The following N4BP2 variants were observed in gnomAD, a reference collection of about 807,000 sequenced individuals.
N4BP2 encodes the protein NEDD4 binding protein 2.
In N4BP2, 91 loss-of-function variants were observed where a neutral mutation model predicts 152.8. The observed-to-expected ratio is 0.60, with a 90% CI of 0.50 to 0.71. N4BP2 has a LOEUF of 0.71. N4BP2 is among the 30% of genes least tolerant of loss of function. The pLI is 0.00. For missense variants in N4BP2, 1,923 were observed against 2,059.1 expected, an observed-to-expected ratio of 0.93 and a Z score of 1.28; for synonymous variants, 646 against 705.3, an observed-to-expected ratio of 0.92 and a Z score of 1.33.
rs1185270466 is a variant in N4BP2 at position 40,126,322 on chromosome 4, CAT to C, written c.4521_4522del (p.His1507GlnfsTer10). On this transcript the variant is annotated frameshift_variant, in exon 12 of 18. Transcript: ENST00000261435. LOFTEE classifies it high-confidence loss of function. Reference protein sequence around the residue: ...MSEEIALQEKHNLKRETLMFE... With the variant: ...MSEEIALQEKXNLKRETLMFE... Reference sequence around the variant, plus strand: ...AGAAGAAATTGCCTTACAGGAAAAACATAATTTGGTATGAATTAATATAAATA... The same window carrying C: ...AGAAGAAATTGCCTTACAGGAAAAACAATTTGGTATGAATTAATATAAATA... 3 of 1,491,874 alleles carry C rather than the reference CAT, an allele frequency of 2.0e-6. No homozygotes were observed. Among genetic ancestry groups the C allele is most frequent in the Non-Finnish European group, 2.7e-6 (3 of 1,095,176 alleles). The allele number at this position is 1,491,874 out of a possible 1,614,324, so 92.4% of individuals were successfully genotyped here.
chr4:40,158,201 A>G lies in N4BP2; in HGVS notation c.*3964A>G, dbSNP rs1437312540. On this transcript the variant is annotated 3_prime_UTR_variant, in exon 18 of 18. Coordinates refer to ENST00000261435, the MANE Select transcript of N4BP2 (RefSeq NM_018177.6). ...TATAAATTTGCTTTTAAATTTTCTT[A>G]TGAAGCCATTTGCAAATTACATACT... The G allele has an allele frequency of 6.6e-6, 1 of 152,208 alleles. No homozygotes were observed. Among genetic ancestry groups the G allele is most frequent in the Non-Finnish European group, 1.5e-5 (1 of 68,020 alleles). The allele number at this position is 152,208 out of a possible 1,614,324, so 9.4% of individuals were successfully genotyped here.
At position 40,120,399 on chromosome 4, in the gene N4BP2, C is replaced by T. The variant is rs375972615; in HGVS notation, c.2288C>T (p.Thr763Met). ...GEIVEERATVTKKAFGKQKSK... is the reference protein window; with the variant it reads ...GEIVEERATVMKKAFGKQKSK... The stretch of plus-strand genomic sequence containing the variant: ...ATAGTGGAAGAAAGAGCAACAGTAA[C>T]GAAAAAAGCCTTTGGGAAACAAAAA... The change falls in exon 9 of 18, where the codon ACG becomes ATG. Residue 763 changes from threonine (T) to methionine (M), a missense_variant. Transcript: ENST00000261435. The T allele has an allele frequency of 6.3e-5, 102 of 1,613,528 alleles. No homozygotes were observed. Among genetic ancestry groups the T allele is most frequent in the African/African-American group, 2.1e-4 (16 of 74,936 alleles).
At chr4:40,134,221 T>C (rs1719152389) in intron 13 of N4BP2, among the ~76,000 whole-genome samples, 1 of 152,208 alleles carries the variant, frequency 6.6e-6, no homozygotes. Flanking sequence ...TTATTTATTT[T>C]TGCTACCTAA....
At chr4:40,111,806 G>A (rs1455351060) in intron 5 of N4BP2, among the ~76,000 whole-genome samples, 1 of 151,814 alleles carries the variant, frequency 6.6e-6, no homozygotes, top group African/African-American at 2.4e-5. Flanking sequence ...AGTAGAGATG[G>A]GCTTTCACCA....
rs761849121 is a variant in N4BP2, at chr4:40,119,932, C to T, written c.1821C>T (p.Ser607=). ...GATACTCTTTAAAATAATCTTACAG[C>T]CCAAGAGACGATGAAGATATTATCT... is the stretch of plus-strand genomic sequence containing the variant. ...CAYSCEDRST[S]PRDDEDIISE... The change falls in exon 9 of 18, where the codon AGC becomes AGT. Residue 607 remains serine, a splice_region_variant and synonymous_variant. Coordinates refer to ENST00000261435, the MANE Select transcript of N4BP2 (RefSeq NM_018177.6). 6.0e-6 allele frequency: 8 copies of T among 1,334,328 alleles called. No homozygotes were observed. The highest frequency in any genetic ancestry group is 7.2e-6 in the Non-Finnish European group (7 of 965,946). The allele number at this position is 1,334,328 out of a possible 1,614,324, so 82.7% of individuals were successfully genotyped here.
intron 2 of N4BP2, among the ~76,000 whole-genome samples, chr4:40,088,714 G>A (rs1214319017): frequency 2.0e-5 from 3 of 151,992 alleles, no homozygotes; most frequent in African/African-American, 7.2e-5. Context: ...TGGTCAGGCC[G>A]GTCTCGAATT....
intron 5 of N4BP2, among the ~76,000 whole-genome samples, chr4:40,108,851 T>A (rs1423872328): frequency 1.3e-5 from 2 of 151,482 alleles, no homozygotes; most frequent in African/African-American, 4.9e-5. Context: ...AGAGTCCTGC[T>A]CTGTTGCCAG....
intron 2 of N4BP2, among the ~76,000 whole-genome samples, chr4:40,080,310 G>GTATATATATATATA (rs140955860): frequency 1.2e-4 from 17 of 147,044 alleles, no homozygotes; most frequent in African/African-American, 3.8e-4. Context: ...AGTGTGAGCT[G>GTATATATATATATA]TATATATATA....
intron 10 of N4BP2, 25 bp downstream of exon 10, chr4:40,123,237 A>G (rs1187519309): frequency 2.0e-6 from 3 of 1,491,370 alleles, no homozygotes; most frequent in Non-Finnish European, 2.8e-6. Context: ...TTTTATAAAG[A>G]GCTCCTTTTT....
chr4:40,066,405 G>A (rs794024), intron 1 of N4BP2, among the ~76,000 whole-genome samples: 127,107 of 149,494 alleles, frequency 0.85, 54,080 homozygotes, highest in East Asian at 0.97. Flanking sequence ...TGCAGCCTCT[G>A]CCTCCCAGGT....
intron 1 of N4BP2, among the ~76,000 whole-genome samples, chr4:40,060,512 T>C (rs1733571444): frequency 6.6e-6 from 1 of 152,156 alleles, no homozygotes; most frequent in Non-Finnish European, 1.5e-5. Flanking sequence ...CCCAAAGTGC[T>C]GGGATTACAG....
In N4BP2 at chr4:40,130,882, A is replaced by G. The variant is rs559890358; in HGVS notation, c.4528-919A>G. On this transcript the variant is annotated intron_variant, in intron 12 of 17. Transcript: ENST00000261435. ...ATTATTTTGTTATATCACAATGTTT[A>G]AGAATATTTATTATCATCTTAGGTT... Among the ~76,000 whole-genome samples the G allele has an allele frequency of 9.2e-5, 14 of 152,332 alleles. No individual in the cohort carries two copies. The East Asian group carries it at 2.7e-3, about 29-fold the overall frequency.
Position 40,147,628 on chromosome 4 carries a change from C to T in N4BP2, c.5143+2828C>T, listed in dbSNP as rs549971935. Among the ~76,000 whole-genome samples the T allele has an allele frequency of 3.6e-3, 523 of 146,660 alleles. 1 individual carries two copies. Among genetic ancestry groups the T allele is most frequent in the African/African-American group, 6.5e-3 (256 of 39,590 alleles). ...CTCCCGGACGGGGCGGCTGGCCGGG[C>T]GGGGGCTGACCCCCCACCTCCCTCC... On this transcript the variant is annotated intron_variant, in intron 16 of 17. Transcript: ENST00000261435.
intron 2 of N4BP2, among the ~76,000 whole-genome samples, chr4:40,085,355 A>T (rs910314662): frequency 4.6e-5 from 7 of 152,228 alleles, no homozygotes; most frequent in African/African-American, 1.7e-4. Context: ...TTTTAGATAC[A>T]CAAAGTAGAG....
Position 40,122,222 on chromosome 4 carries a change from C to G in N4BP2, c.4111C>G (p.Leu1371Val), listed in dbSNP as rs1008953158. The G allele has an allele frequency of 1.9e-6, 3 of 1,613,742 alleles. No homozygotes were observed. The highest frequency in any genetic ancestry group is 1.7e-6 in the Non-Finnish European group (2 of 1,179,822). ...TCCCACTCCAGCGATGGCCAAATCT[C>G]TGACCATAGACTGTCTGGAATTGGC... The part of the protein sequence containing the change: ...LNPTPAMAKS[L>V]TIDCLELALP... Residue 1371 changes from leucine (L) to valine (V), a missense_variant, in exon 9 of 18, where the codon CTG (leucine) becomes GTG (valine). Coordinates refer to ENST00000261435, the MANE Select transcript of N4BP2 (RefSeq NM_018177.6).
intron 2 of N4BP2, among the ~76,000 whole-genome samples, chr4:40,082,407 A>G (rs995325182): frequency 2.0e-5 from 3 of 152,196 alleles, no homozygotes; most frequent in Non-Finnish European, 4.4e-5. Flanking sequence ...AATAATAGAA[A>G]CAACCCAATT....
rs189388577 is a variant in N4BP2, at chr4:40,101,187, C to T, written c.230-888C>T. The stretch of plus-strand genomic sequence containing the variant: ...TTTATTTATTGTTGAGAGGGAGTCT[C>T]GCTCTGTCACCAAGGCTGGAGTGCA... On this transcript the variant is annotated intron_variant, in intron 3 of 17. Coordinates refer to ENST00000261435, the MANE Select transcript of N4BP2 (RefSeq NM_018177.6). Among the ~76,000 whole-genome samples, 19 of 152,204 alleles carry T rather than the reference C, an allele frequency of 1.2e-4. No homozygotes were observed. In the East Asian group the frequency reaches 1.9e-3, roughly 15 times the overall value.
At chr4:40,159,828 A>G (rs1463799082), downstream of N4BP2, among the ~76,000 whole-genome samples, 1 of 152,080 alleles carries the variant, frequency 6.6e-6, no homozygotes, top group Non-Finnish European at 1.5e-5. Context: ...TTCTCGATGC[A>G]TTGATGACTT....
At chr4:40,159,953 G>A (rs1194932354), downstream of N4BP2, among the ~76,000 whole-genome samples, 1 of 151,930 alleles carries the variant, frequency 6.6e-6, no homozygotes, top group African/African-American at 2.4e-5. Flanking sequence ...CCAAGTAGCT[G>A]TGATTACAGG....
Sources: allele counts gnomAD v4.1 joint callset (sites outside exome capture counted in the v4.1 genomes callset), GRCh38; gene constraint gnomAD v4.1.1; transcripts MANE v1.5; gene names NCBI Gene and HGNC (gene_info 2026-07-23, HGNC 2026-07-21).